ACTN1: variants seen among roughly 807,000 people sequenced by gnomAD.
ACTN1 encodes alpha-actinin-1.
Under a neutral mutation model 119.6 loss-of-function variants are expected in ACTN1, and 30 were observed. The observed-to-expected ratio is 0.25, with a 90% CI of 0.19 to 0.34. The LOEUF (loss-of-function observed/expected upper bound fraction) is 0.34, where lower values mean the gene tolerates loss of function less well. ACTN1 is among the 10% of genes least tolerant of loss of function. The pLI is 1.00. For synonymous variants in ACTN1, 429 were observed against 472.6 expected, an observed-to-expected ratio of 0.91 and a Z score of 1.20; for missense variants, 764 against 1,223.4, an observed-to-expected ratio of 0.62 and a Z score of 5.60.
At chr14:68,959,743 A>G (rs2036464204) in intron 1 of ACTN1, among the ~76,000 whole-genome samples, 1 of 152,186 alleles carries the variant, frequency 6.6e-6, no homozygotes, top group African/African-American at 2.4e-5. Context: ...ATGTTGGTCA[A>G]AGGGTACAAA....
chr14:68,887,910 T>C (rs1566600442), intron 11 of ACTN1: 3 of 895,226 alleles, frequency 3.4e-6, no homozygotes, highest in African/African-American at 1.7e-5. Flanking sequence ...TGTTTTCCCT[T>C]TGCTCCCTTT....
At chr14:68,905,229 TG>T (rs56984615) in intron 6 of ACTN1, among the ~76,000 whole-genome samples, 18,142 of 152,274 alleles carry the variant, frequency 0.12, 1,213 homozygotes, top group Non-Finnish European at 0.14. Flanking sequence ...TCATGAAATT[TG>T]GGGGCTCCTT....
rs182736651 is a variant in ACTN1, at chr14:68,933,274, C to A, written c.106-7602G>T. ...TCAGCCTCCTGAGTATCTGGGATTA[C>A]AGGCAAGCACCACCATACCTGGGTA... On this transcript the variant is annotated intron_variant, in intron 1 of 21. Transcript: ENST00000394419. 7.7e-4 allele frequency among the ~76,000 whole-genome samples: 117 copies of A among 152,256 alleles called. 1 individual carries two copies. The highest frequency in any genetic ancestry group is 2.8e-3 in the African/African-American group (117 of 41,534).
chr14:68,919,887 A>G (rs1297873530), intron 3 of ACTN1, among the ~76,000 whole-genome samples: 1 of 152,172 alleles, frequency 6.6e-6, no homozygotes, highest in African/African-American at 2.4e-5. Flanking sequence ...AATCAGCCGG[A>G]CTCGACCCCA....
intron 3 of ACTN1, among the ~76,000 whole-genome samples, chr14:68,917,020 C>T (rs2034337274): frequency 6.6e-6 from 1 of 152,114 alleles, no homozygotes; most frequent in South Asian, 2.1e-4. Context: ...TCACTGAGCC[C>T]ACCTCCATGC....
intron 1 of ACTN1, among the ~76,000 whole-genome samples, chr14:68,940,096 G>C (rs1293087436): frequency 6.6e-6 from 1 of 152,156 alleles, no homozygotes; most frequent in Non-Finnish European, 1.5e-5. Context: ...GGTCCTCCGG[G>C]GTTACAGTTT....
chr14:68,913,537 T>C (rs1253355758), intron 3 of ACTN1, among the ~76,000 whole-genome samples: 1 of 152,198 alleles, frequency 6.6e-6, no homozygotes, highest in African/African-American at 2.4e-5. Context: ...CCATTAAGGA[T>C]GGTATACTCT....
chr14:68,913,434 G>C (rs1251998132), intron 3 of ACTN1, among the ~76,000 whole-genome samples: 1 of 152,108 alleles, frequency 6.6e-6, no homozygotes, highest in Non-Finnish European at 1.5e-5. Flanking sequence ...TTTTAGGGGA[G>C]ACCCAATAGA....
rs149974347 is a variant in ACTN1, at chr14:68,890,976, T to C, written c.1087-690A>G. On this transcript the variant is annotated intron_variant, in intron 10 of 21. Transcript: ENST00000394419. The stretch of plus-strand genomic sequence containing the variant: ...TCTGTCCCCCAGAAAGGGTACTTTG[T>C]CTAATTCTCATAGAGCACCCTTAGG... Among the ~76,000 whole-genome samples the C allele has an allele frequency of 2.0e-5, 3 of 152,294 alleles. No homozygotes were observed. The East Asian group carries it at 5.8e-4, about 29-fold the overall frequency.
intron 21 of ACTN1, among the ~76,000 whole-genome samples, chr14:68,876,763 G>C (rs1401888618): frequency 6.6e-6 from 1 of 152,176 alleles, no homozygotes; most frequent in Admixed American, 6.5e-5. Flanking sequence ...CCCAGGGATT[G>C]TCAGATGGAC....
At chr14:68,881,891 G>A (rs1294640709) in intron 16 of ACTN1, among the ~76,000 whole-genome samples, 1 of 150,596 alleles carries the variant, frequency 6.6e-6, no homozygotes, top group East Asian at 1.9e-4. Flanking sequence ...AGCTGGATCG[G>A]GCGCTCAGGA....
intron 8 of ACTN1, among the ~76,000 whole-genome samples, chr14:68,898,980 CACACCTCACACCACACACACCCT>C (rs1225739078): frequency 6.1e-5 from 9 of 148,258 alleles, no homozygotes; most frequent in Non-Finnish European, 1.2e-4. Context: ...CCACACACGC[CACACCTCACACCACACACACCCT>C]ACACCTCACA....
At chr14:68,973,202 G>T (rs2036949962) in intron 1 of ACTN1, among the ~76,000 whole-genome samples, 2 of 152,176 alleles carry the variant, frequency 1.3e-5, no homozygotes, top group Admixed American at 1.3e-4. Context: ...AGGATTCCTG[G>T]GAGCCTGGAC....
Position 68,969,157 on chromosome 14 carries a change from A to G in ACTN1, c.105+9795T>C, listed in dbSNP as rs148694966. 4.8e-3 allele frequency among the ~76,000 whole-genome samples: 735 copies of G among 152,364 alleles called. 2 individuals are homozygous for G. The highest frequency in any genetic ancestry group is 0.016 in the African/African-American group (684 of 41,584). On this transcript the variant is annotated intron_variant, in intron 1 of 21. Transcript: ENST00000394419. ...TACACAATGAACCTCTAAATATAAG[A>G]AAAGAGAGAAAGAGGAAAAAGAAGA...
intron 1 of ACTN1, among the ~76,000 whole-genome samples, chr14:68,953,621 G>A (rs1006827612): frequency 1.3e-5 from 2 of 152,014 alleles, no homozygotes; most frequent in Non-Finnish European, 2.9e-5. Context: ...GCTCACGCCT[G>A]TAATCCCAGC....
chr14:68,954,315 A>AATTTATTTATTTATTT (rs377224619), intron 1 of ACTN1, among the ~76,000 whole-genome samples: 371 of 151,840 alleles, frequency 2.4e-3, no homozygotes, highest in African/African-American at 8.2e-3. Flanking sequence ...ACACACAGAG[A>AATTTATTTATTTATTT]ATTTATTTAT....
At position 68,877,097 on chromosome 14, in the gene ACTN1, G is replaced by T; in HGVS notation, c.2571C>A (p.Ile857=). The T allele has an allele frequency of 6.2e-7, 1 of 1,614,132 alleles. No homozygotes were observed. The highest frequency in any genetic ancestry group is 8.5e-7 in the Non-Finnish European group (1 of 1,180,018). The change falls in exon 21 of 22, where the codon ATC becomes ATA. Residue 857 remains isoleucine, a synonymous_variant. Transcript: ENST00000394419. ...TADQVMASFK[I]LAGDKNYITM... ...GGACACCCACCTTGTCCCCAGCCAG[G>T]ATCTTGAAGGAAGCCATGACTTGGT...
In ACTN1 at chr14:68,890,632, CA is replaced by C. The variant is rs753089406; in HGVS notation, c.1087-347del. On this transcript the variant is annotated intron_variant, in intron 10 of 21. Transcript: ENST00000394419. ...ACTCTAACCGATCACAGAGGTCACA[CA>C]TGTGCTAAGGCAAAGGGCCCCCGAG... is the stretch of plus-strand genomic sequence containing the variant. Among the ~76,000 whole-genome samples the C allele has an allele frequency of 9.1e-3, 1,392 of 152,328 alleles. 8 individuals carry two copies. Among genetic ancestry groups the C allele is most frequent in the Admixed American group, 0.014 (221 of 15,302 alleles).
intron 1 of ACTN1, among the ~76,000 whole-genome samples, chr14:68,971,999 C>A (rs1435845664): frequency 6.6e-6 from 1 of 152,190 alleles, no homozygotes; most frequent in African/African-American, 2.4e-5. Flanking sequence ...TCCCCTTCCC[C>A]TGCCTACAAC....
Sources: allele counts gnomAD v4.1 joint callset (sites outside exome capture counted in the v4.1 genomes callset), GRCh38; gene constraint gnomAD v4.1.1; transcripts MANE v1.5; gene names NCBI Gene and HGNC (gene_info 2026-07-23, HGNC 2026-07-21).